The following DNAH1 variants were observed in gnomAD, a reference collection of about 807,000 sequenced individuals.
DNAH1 encodes dynein axonemal heavy chain 1.
Under a neutral mutation model 484.3 loss-of-function variants are expected in DNAH1, and 327 were observed. The observed-to-expected ratio is 0.68, with a 90% CI of 0.62 to 0.74. The LOEUF is 0.74. Ranked by LOEUF, DNAH1 falls within the 30% of genes least tolerant of loss-of-function variation. The pLI is 0.00. For missense variants in DNAH1, 5,052 were observed against 5,546.8 expected, an observed-to-expected ratio of 0.91 and a Z score of 2.83; for synonymous variants, 2,192 against 2,191.9, an observed-to-expected ratio of 1.00 and a Z score of 0.00.
intron 17 of DNAH1, 93 bp from the exon 18 acceptor site, chr3:52,352,459 T>C (rs765751541): frequency 8.6e-5 from 130 of 1,505,244 alleles, no homozygotes; most frequent in Non-Finnish European, 1.0e-4. Flanking sequence ...GGAGTGGACG[T>C]CCTGGGACCT....
chr3:52,358,695 T>C lies in DNAH1; in HGVS notation c.4224T>C (p.Ser1408=). 3 of 1,612,926 alleles carry C rather than the reference T, an allele frequency of 1.9e-6. No individual in the cohort carries two copies. Among genetic ancestry groups the C allele is most frequent in the Non-Finnish European group, 2.5e-6 (3 of 1,179,718 alleles). ...LREVERSMKA[S]VHDIIEKAIR... Reference sequence around the variant, plus strand: ...AGGTGGAGCGCAGCATGAAGGCCAGTGTGCACGACATCATTGAGAAGGCCA... The same window carrying C: ...AGGTGGAGCGCAGCATGAAGGCCAGCGTGCACGACATCATTGAGAAGGCCA... Residue 1408 remains serine, a synonymous_variant, in exon 25 of 78, where the codon AGT becomes AGC. Transcript: ENST00000420323. This position sits in a 1 kb window ranked among gnomAD's most constrained non-coding sequence, Gnocchi z 4.2.
chr3:52,344,785 A>G, intron 9 of DNAH1, 138 bp downstream of exon 9: 2 of 984,520 alleles, frequency 2.0e-6, no homozygotes, highest in South Asian at 3.3e-5. Flanking sequence ...CCCTGTCTCC[A>G]GCACTTGTCC....
chr3:52,399,332 G>C (rs1182026731), intron 76 of DNAH1, 131 bp downstream of exon 76: 7 of 1,067,920 alleles, frequency 6.6e-6, no homozygotes, highest in Admixed American at 4.5e-5. Context: ...CAAGCCAGAA[G>C]AGGCCATGAG....
At chr3:52,398,645 A>G (rs1704750186) in intron 75 of DNAH1, among the ~76,000 whole-genome samples, 1 of 151,984 alleles carries the variant, frequency 6.6e-6, no homozygotes, top group African/African-American at 2.4e-5. Flanking sequence ...TGACCCCAAA[A>G]TGTTCCGTAA....
chr3:52,399,742 T>A lies in DNAH1; in HGVS notation c.12639T>A (p.Phe4213Leu). Reference protein sequence around the residue: ...TPNRKAQDQDFYLCPIYKTLT... With the variant: ...TPNRKAQDQDLYLCPIYKTLT... ...ACCGCAAGGCCCAGGACCAGGACTT[T>A]TACCTGTGCCCCATCTACAAGACAC... Residue 4213 changes from phenylalanine to leucine, a missense_variant, in exon 77 of 78, where the codon TTT (phenylalanine) becomes TTA (leucine). Physicochemically the swap from Phe to Leu is conservative, Grantham distance 22. Transcript: ENST00000420323. 1 of 1,613,996 alleles carries A rather than the reference T, an allele frequency of 6.2e-7. No individual in the cohort carries two copies.
chr3:52,383,992 C>G lies in DNAH1; in HGVS notation c.8283C>G (p.Ile2761Met). Residue 2761 changes from isoleucine (I) to methionine (M), a missense_variant, in exon 52 of 78, where the codon ATC (isoleucine) becomes ATG (methionine). Ile to Met is a conservative substitution (Grantham distance 10, BLOSUM62 1). Transcript: ENST00000420323. ...KSVATVFLNEIPELESSQEEI... is the reference protein window; with the variant it reads ...KSVATVFLNEMPELESSQEEI... ...TGGCCACCGTGTTCCTCAATGAGATCCCAGAACTGGAATCCTCCCAGGAAG... is the reference window on the plus strand; with the variant it reads ...TGGCCACCGTGTTCCTCAATGAGATGCCAGAACTGGAATCCTCCCAGGAAG... 6.2e-7 allele frequency: 1 copy of G among 1,610,248 alleles called. No homozygotes were observed. The highest frequency in any genetic ancestry group is 1.1e-5 in the South Asian group (1 of 90,288).
In DNAH1 at chr3:52,356,675, G is replaced by A. The variant is rs1197029191; in HGVS notation, c.3755G>A (p.Ser1252Asn). The A allele has an allele frequency of 6.2e-7, 1 of 1,613,920 alleles. No individual in the cohort carries two copies. The highest frequency in any genetic ancestry group is 1.7e-5 in the Admixed American group (1 of 60,014). The change falls in exon 22 of 78, where the codon AGC (serine) becomes AAC (asparagine). Residue 1252 changes from serine (S) to asparagine (N), a missense_variant. Physicochemically the swap from Ser to Asn is conservative, Grantham distance 46 (BLOSUM62 1). Around this residue, in one of 4 missense-constraint regions of DNAH1, gnomAD observed 2,929 missense variants for 3,409.4 expected, o/e 0.86. Coordinates refer to ENST00000420323, the MANE Select transcript of DNAH1 (RefSeq NM_015512.5). ...RSWLYLEPIF[S>N]SEDINQQLPV... ...TGGCTCTACCTGGAGCCCATCTTTA[G>A]CTCTGAGGACATCAACCAGCAGCTG...
chr3:52,344,054 G>A (rs1305014603), intron 8 of DNAH1, among the ~76,000 whole-genome samples: 1 of 152,240 alleles, frequency 6.6e-6, no homozygotes, highest in African/African-American at 2.4e-5. Context: ...CACCTTCCAG[G>A]CGCTGCCATG....
chr3:52,333,823 T>G (rs902629860), intron 8 of DNAH1, among the ~76,000 whole-genome samples: 10 of 152,336 alleles, frequency 6.6e-5, no homozygotes, highest in African/African-American at 1.9e-4. Context: ...TTTAAACACT[T>G]TATTATAAAA....
chr3:52,389,588 T>A lies in DNAH1; in HGVS notation c.9621+2T>A. ...CCTGTGAAGATCCGATCGTGGCAGG[T>A]GCCCACCCCAGGGGCAGGAGTGCCC... On this transcript the variant is annotated splice_donor_variant, in intron 60 of 77. Transcript: ENST00000420323. LOFTEE classifies it high-confidence loss of function. 1.4e-6 allele frequency: 2 copies of A among 1,467,228 alleles called. No individual in the cohort carries two copies. Among genetic ancestry groups the A allele is most frequent in the South Asian group, 1.3e-5 (1 of 74,366 alleles). 90.9% of individuals were successfully genotyped at this position (1,467,228 alleles called of 1,614,324 possible).
In DNAH1 at chr3:52,372,752, G is replaced by A. The variant is rs900603298; in HGVS notation, c.6828-144G>A. 32 of 1,085,562 alleles carry A rather than the reference G, an allele frequency of 2.9e-5. No individual in the cohort carries two copies. In the African/African-American group the frequency reaches 4.7e-4, roughly 16 times the overall value. The allele number at this position is 1,085,562 out of a possible 1,614,324, so 67.2% of individuals were successfully genotyped here. ...CCCAGGACACTCAGAACAAGGATGA[G>A]GGTGGGTCAAGGCATCTAGCAATTT... On this transcript the variant is annotated intron_variant, in intron 43 of 77. Transcript: ENST00000420323.
At chr3:52,331,625 T>TC (rs1183733152) in intron 7 of DNAH1, among the ~76,000 whole-genome samples, 1 of 104,028 alleles carries the variant, frequency 9.6e-6, no homozygotes, top group East Asian at 2.0e-4. Flanking sequence ...TTTTCTTTTT[T>TC]TTTTTTTTTT....
At position 52,345,536 on chromosome 3, in the gene DNAH1, G is replaced by A. The variant is rs756909996; in HGVS notation, c.1486G>A (p.Glu496Lys). ...VPKYHFWEQK[E>K]DFTFVSLLTR... ...CAAGTACCACTTCTGGGAGCAGAAG[G>A]AGGACTTCACTTTCGTGTCCCTGCT... Residue 496 changes from glutamate to lysine, a missense_variant, in exon 10 of 78, where the codon GAG becomes AAG. Physicochemically the swap from Glu to Lys is moderately conservative, Grantham distance 56. Around this residue, in one of 4 missense-constraint regions of DNAH1, gnomAD observed 1,263 missense variants for 1,218.8 expected, o/e 1.04. Coordinates refer to ENST00000420323, the MANE Select transcript of DNAH1 (RefSeq NM_015512.5). The A allele has an allele frequency of 9.5e-6, 15 of 1,582,404 alleles. No homozygotes were observed. The highest frequency in any genetic ancestry group is 1.2e-5 in the Non-Finnish European group (14 of 1,163,506).
intron 3 of DNAH1, 22 bp downstream of exon 3, chr3:52,323,902 G>T: frequency 6.4e-7 from 1 of 1,552,372 alleles, no homozygotes. Flanking sequence ...GGAGGGCTGT[G>T]TGAGTGGGTC....
Position 52,353,754 on chromosome 3 carries a change from A to T in DNAH1, c.3480+121A>T, listed in dbSNP as rs748344661. The T allele has an allele frequency of 1.4e-4, 191 of 1,367,842 alleles. 3 individuals carry two copies. Among genetic ancestry groups the T allele is most frequent in the Middle Eastern group, 1.8e-4 (1 of 5,588 alleles). The allele number at this position is 1,367,842 out of a possible 1,614,324, so 84.7% of individuals were successfully genotyped here. On this transcript the variant is annotated intron_variant, in intron 20 of 77. Transcript: ENST00000420323. The surrounding 1 kb of genome is among the most constrained non-coding windows in gnomAD (Gnocchi z 5.0). The stretch of plus-strand genomic sequence containing the variant: ...AGTAATAAGCCCCATCCCTGGGGTC[A>T]TGAGGCCCAGGGGTTGAGATGCATT...
chr3:52,372,981 G>T lies in DNAH1; in HGVS notation c.6913G>T (p.Gly2305Cys). 6.2e-7 allele frequency: 1 copy of T among 1,613,776 alleles called. No homozygotes were observed. ...GAACATGCCGGCCCTGGAGACCTAC[G>T]GTGCACAGCCACCCATCGAGCTGTT... Reference protein sequence around the residue: ...DLNMPALETYGAQPPIELLRQ... With the variant: ...DLNMPALETYCAQPPIELLRQ... The change falls in exon 44 of 78, where the codon GGT becomes TGT. Residue 2305 changes from glycine (G) to cysteine (C), a missense_variant. By Grantham distance (159) the Gly-to-Cys change is radical. Transcript: ENST00000420323.
At chr3:52,320,572 C>G (rs73838354) in intron 1 of DNAH1, among the ~76,000 whole-genome samples, 9,051 of 152,294 alleles carry the variant, frequency 0.059, 852 homozygotes, top group African/African-American at 0.2. Flanking sequence ...CCACCCACCC[C>G]ACTCCTCAAG....
intron 6 of DNAH1, 104 bp downstream of exon 6, chr3:52,328,118 G>A: frequency 6.9e-7 from 1 of 1,455,392 alleles, no homozygotes; most frequent in Non-Finnish European, 9.3e-7. Context: ...GGAGGCGAGG[G>A]GTCTTTCAAG....
rs754921926 is a variant in DNAH1, at chr3:52,372,096, C to G, written c.6666+10C>G. On this transcript the variant is annotated intron_variant, in intron 42 of 77. Transcript: ENST00000420323. ...CACCAACAAGAAGCCCGTGAGCACCCCCCCAGGCCCTGCCTCCACTGTCCC... is the reference window on the plus strand; with the variant it reads ...CACCAACAAGAAGCCCGTGAGCACCGCCCCAGGCCCTGCCTCCACTGTCCC... 2.0e-5 allele frequency: 32 copies of G among 1,612,874 alleles called. No homozygotes were observed. Among genetic ancestry groups the G allele is most frequent in the Admixed American group, 3.3e-5 (2 of 59,982 alleles).
Sources: allele counts gnomAD v4.1 joint callset (sites outside exome capture counted in the v4.1 genomes callset), GRCh38; gene constraint gnomAD v4.1.1; regional missense constraint gnomAD v4.1.1; non-coding constraint Gnocchi (gnomAD v3.1); transcripts MANE v1.5; gene names NCBI Gene and HGNC (gene_info 2026-07-23, HGNC 2026-07-21).